TBC1D8: variants seen among roughly 807,000 people sequenced by gnomAD.
The protein encoded by TBC1D8 is TBC1 domain family member 8.
TBC1D8 carries 65 observed loss-of-function variants against 118.8 expected under a neutral mutation model. That is an observed-to-expected ratio of 0.55 (90% CI 0.45 to 0.67). The LOEUF (loss-of-function observed/expected upper bound fraction) is 0.67. Among genes scored for constraint, TBC1D8 ranks in the 30% least tolerant of loss-of-function variants. TBC1D8 has a pLI of 0.00. For missense variants in TBC1D8, 1,376 were observed against 1,471.2 expected, an observed-to-expected ratio of 0.94 and a Z score of 1.06; for synonymous variants, 566 against 595.8, an observed-to-expected ratio of 0.95 and a Z score of 0.73.
chr2:101,013,964 C>G (rs1365110302), intron 17 of TBC1D8, among the ~76,000 whole-genome samples: 1 of 152,196 alleles, frequency 6.6e-6, no homozygotes, highest in African/African-American at 2.4e-5. Flanking sequence ...TTGGATTAAT[C>G]AGAAATTCCA....
At chr2:101,141,803 G>GCA (rs112678254) in intron 1 of TBC1D8, among the ~76,000 whole-genome samples, 6,182 of 141,208 alleles carry the variant, frequency 0.044, 351 homozygotes, top group African/African-American at 0.13. Context: ...ATGAAGGCGC[G>GCA]CACACACACA....
At chr2:101,095,396 C>A (rs185772518) in intron 1 of TBC1D8, among the ~76,000 whole-genome samples, 1 of 135,688 alleles carries the variant, frequency 7.4e-6, no homozygotes, top group Non-Finnish European at 1.6e-5. Context: ...TGCTATCTCC[C>A]CCCCCCTCCC....
At chr2:101,061,965 T>C (rs564991993) in intron 2 of TBC1D8, among the ~76,000 whole-genome samples, 1 of 152,368 alleles carries the variant, frequency 6.6e-6, no homozygotes, top group African/African-American at 2.4e-5. Context: ...CCAGAGCGTC[T>C]GCTTGGTTCC....
At chr2:101,111,370 C>G (rs1019953008) in intron 1 of TBC1D8, among the ~76,000 whole-genome samples, 2 of 152,156 alleles carry the variant, frequency 1.3e-5, no homozygotes, top group Non-Finnish European at 2.9e-5. Flanking sequence ...AGAAGCTCAC[C>G]GTTTATAACT....
intron 1 of TBC1D8, among the ~76,000 whole-genome samples, chr2:101,095,982 C>G (rs988179473): frequency 6.6e-6 from 1 of 152,184 alleles, no homozygotes; most frequent in Non-Finnish European, 1.5e-5. Flanking sequence ...ACCTGACCAC[C>G]ACACCAACAG....
intron 19 of TBC1D8, 21 bp downstream of exon 19, chr2:101,010,908 T>C (rs781769249): frequency 2.3e-5 from 36 of 1,572,604 alleles, no homozygotes; most frequent in Non-Finnish European, 2.9e-5. Flanking sequence ...GTTAATTCTC[T>C]GCACTGAAGA....
At position 101,125,591 on chromosome 2, in the gene TBC1D8, C is replaced by G. The variant is rs149609748; in HGVS notation, c.127+25536G>C. ...AATGATCCTCTGAAAAACTAAGCCA[C>G]AAACCACAAGCATTCAAGATCAGAA... On this transcript the variant is annotated intron_variant, in intron 1 of 19. Transcript: ENST00000409318. Among the ~76,000 whole-genome samples, 270 of 152,318 alleles carry G rather than the reference C, an allele frequency of 1.8e-3. 3 individuals are homozygous for G. The highest frequency in any genetic ancestry group is 4.2e-3 in the East Asian group (22 of 5,180).
intron 1 of TBC1D8, among the ~76,000 whole-genome samples, chr2:101,127,097 G>A (rs1678388996): frequency 6.6e-6 from 1 of 152,168 alleles, no homozygotes; most frequent in Admixed American, 6.5e-5. Flanking sequence ...AGCACTCTGG[G>A]AGGCCGAGGC....
intron 12 of TBC1D8, 106 bp downstream of exon 12, chr2:101,029,385 C>T (rs565088199): frequency 1.6e-6 from 2 of 1,271,984 alleles, no homozygotes; most frequent in East Asian, 5.0e-5. Flanking sequence ...GAGTGAGACT[C>T]TGTCTCAATA....
chr2:101,135,040 C>T (rs1285182420), intron 1 of TBC1D8, among the ~76,000 whole-genome samples: 4 of 152,058 alleles, frequency 2.6e-5, no homozygotes, highest in African/African-American at 9.7e-5. Flanking sequence ...GGTGTGGTGG[C>T]GGGCGCCTGC....
chr2:101,110,891 T>C (rs999968013), intron 1 of TBC1D8, among the ~76,000 whole-genome samples: 2 of 151,152 alleles, frequency 1.3e-5, no homozygotes, highest in African/African-American at 2.4e-5. Context: ...GGAGAATCAC[T>C]TGAACTTGAA....
At chr2:101,114,340 G>C (rs971348674) in intron 1 of TBC1D8, among the ~76,000 whole-genome samples, 1 of 149,640 alleles carries the variant, frequency 6.7e-6, no homozygotes, top group Non-Finnish European at 1.5e-5. Context: ...CAAGGGTAAG[G>C]GCTGGGATCC....
intron 15 of TBC1D8, among the ~76,000 whole-genome samples, chr2:101,023,208 G>A (rs1211859875): frequency 1.1e-4 from 16 of 145,262 alleles, no homozygotes; most frequent in African/African-American, 4.0e-4. Context: ...GCAGTGGCGC[G>A]ATCTCAGCTC....
At chr2:101,093,966 G>A (rs1318574746) in intron 1 of TBC1D8, among the ~76,000 whole-genome samples, 2 of 152,066 alleles carry the variant, frequency 1.3e-5, no homozygotes, top group Non-Finnish European at 2.9e-5. Flanking sequence ...AAAGTGCTGG[G>A]ATTACAGGCG....
intron 1 of TBC1D8, among the ~76,000 whole-genome samples, chr2:101,126,022 A>G (rs1442741986): frequency 6.6e-6 from 1 of 152,162 alleles, no homozygotes; most frequent in Non-Finnish European, 1.5e-5. Context: ...ACTTATAAGG[A>G]AAAGAGCTTT....
chr2:101,073,444 G>A (rs528971345), intron 2 of TBC1D8, among the ~76,000 whole-genome samples: 17 of 151,928 alleles, frequency 1.1e-4, no homozygotes, highest in Admixed American at 3.9e-4. Context: ...ACAGGTGCCC[G>A]CCACCACGCC....
At position 101,094,522 on chromosome 2, in the gene TBC1D8, T is replaced by A. The variant is rs1335978322; in HGVS notation, c.128-4158A>T. Among the ~76,000 whole-genome samples the A allele has an allele frequency of 2.6e-5, 4 of 152,314 alleles. No individual in the cohort carries two copies. The South Asian group carries it at 8.3e-4, about 32-fold the overall frequency. ...ATTAAGAGATCTGCTGTAGAACTCA[T>A]ATCTAGTTTGATAAAAACCGGAGGG... On this transcript the variant is annotated intron_variant, in intron 1 of 19. Coordinates refer to ENST00000409318, the MANE Select transcript of TBC1D8 (RefSeq NM_001330348.2).
At chr2:101,045,398 T>C (rs901841537) in intron 5 of TBC1D8, among the ~76,000 whole-genome samples, 6 of 152,218 alleles carry the variant, frequency 3.9e-5, no homozygotes, top group Non-Finnish European at 8.8e-5. Context: ...CTGTCTGAGC[T>C]ACATGCCAAC....
At chr2:101,127,051 C>T (rs535409319) in intron 1 of TBC1D8, among the ~76,000 whole-genome samples, 119 of 152,184 alleles carry the variant, frequency 7.8e-4, no homozygotes, top group African/African-American at 2.8e-3. Flanking sequence ...AAATTGAGGC[C>T]CCTGGCCAGG....
Sources: allele counts gnomAD v4.1 joint callset (sites outside exome capture counted in the v4.1 genomes callset), GRCh38; gene constraint gnomAD v4.1.1; transcripts MANE v1.5; gene names NCBI Gene and HGNC (gene_info 2026-07-23, HGNC 2026-07-21).